Variants in COX7B2 observed in about 807,000 individuals in gnomAD.
The protein encoded by COX7B2 is cytochrome c oxidase subunit 7B2.
For missense variants in COX7B2, 109 were observed against 95.9 expected (o/e 1.14, Z -0.57); for synonymous variants, 37 against 32.1 (o/e 1.15, Z -0.51).
chr4:46,907,881 GTCTC>G (rs998556758), intron 1 of COX7B2, among the ~76,000 whole-genome samples: 1 of 75,706 alleles, frequency 1.3e-5, no homozygotes, highest in Non-Finnish European at 2.9e-5. Context: ...TTGAGACGGA[GTCTC>G]TCTCTGTTTC....
chr4:46,900,336 G>A (rs1484255346), intron 1 of COX7B2, among the ~76,000 whole-genome samples: 1 of 152,094 alleles, frequency 6.6e-6, no homozygotes, highest in East Asian at 1.9e-4. Context: ...ATGTTTCCAA[G>A]GATACCCTTG....
At chr4:46,747,638 T>A (rs1383547741) in intron 2 of COX7B2, among the ~76,000 whole-genome samples, 1 of 152,118 alleles carries the variant, frequency 6.6e-6, no homozygotes, top group Non-Finnish European at 1.5e-5. Flanking sequence ...TCTTCACCTA[T>A]CAAGGATAAA....
At chr4:46,794,086 A>G (rs73139396) in intron 2 of COX7B2, among the ~76,000 whole-genome samples, 5,186 of 152,306 alleles carry the variant, frequency 0.034, 224 homozygotes, top group African/African-American at 0.1. Flanking sequence ...AGTATCAGCA[A>G]GCCTCCAAAG....
chr4:46,899,588 T>C (rs1343272356), intron 1 of COX7B2, among the ~76,000 whole-genome samples: 1 of 152,154 alleles, frequency 6.6e-6, no homozygotes, highest in African/African-American at 2.4e-5. Context: ...AGAGAGAGAT[T>C]GTAAGTCATG....
chr4:46,861,418 T>C (rs1717328360), intron 1 of COX7B2, among the ~76,000 whole-genome samples: 1 of 152,188 alleles, frequency 6.6e-6, no homozygotes, highest in Admixed American at 6.5e-5. Context: ...GATAAACCTC[T>C]GTGTCTGGTA....
chr4:46,756,111 G>T lies in COX7B2; in HGVS notation c.-49-20870C>A, dbSNP rs557912701. ...ACACCATGGTACTGGTATAAAAATA[G>T]ACACATCAGTCAATGGAACAGAGAA... On this transcript the variant is annotated intron_variant, in intron 2 of 2. Coordinates refer to ENST00000355591, the MANE Select transcript of COX7B2 (RefSeq NM_130902.3). Among the ~76,000 whole-genome samples the T allele has an allele frequency of 3.9e-5, 6 of 151,950 alleles. No homozygotes were observed. In the East Asian group the frequency reaches 1.2e-3, roughly 29 times the overall value.
At chr4:46,785,712 A>T (rs1477523340) in intron 2 of COX7B2, among the ~76,000 whole-genome samples, 1 of 152,200 alleles carries the variant, frequency 6.6e-6, no homozygotes, top group East Asian at 1.9e-4. Flanking sequence ...AAGGACAAGG[A>T]TAAAAGAAAG....
At chr4:46,827,883 A>C (rs936260136) in intron 2 of COX7B2, among the ~76,000 whole-genome samples, 2 of 152,188 alleles carry the variant, frequency 1.3e-5, no homozygotes, top group African/African-American at 4.8e-5. Flanking sequence ...AAGAAGAAAA[A>C]GTAATATTTA....
rs1257786467 is a variant in COX7B2 at position 46,788,355 on chromosome 4, T to A, written c.-49-53114A>T. ...ATAAAAAATCATACATAACTAAGAT[T>A]ATCCAAGGAAAAGTTTTAGTGAGTT... is the stretch of plus-strand genomic sequence containing the variant. On this transcript the variant is annotated intron_variant, in intron 2 of 2. Coordinates refer to ENST00000355591, the MANE Select transcript of COX7B2 (RefSeq NM_130902.3). Among the ~76,000 whole-genome samples, 6 of 152,288 alleles carry A rather than the reference T, an allele frequency of 3.9e-5. No individual in the cohort carries two copies. The East Asian group carries it at 1.2e-3, about 29-fold the overall frequency.
At chr4:46,879,379 G>A (rs1242236309) in intron 1 of COX7B2, among the ~76,000 whole-genome samples, 2 of 151,826 alleles carry the variant, frequency 1.3e-5, no homozygotes, top group Non-Finnish European at 2.9e-5. Context: ...GTGCAGCAGT[G>A]TGATCACGGC....
intron 2 of COX7B2, among the ~76,000 whole-genome samples, chr4:46,764,679 C>CAAAAAAA (rs11357133): frequency 7.7e-6 from 1 of 129,070 alleles, no homozygotes. Context: ...GACTCCGCCT[C>CAAAAAAA]AAAAAAAAAA....
At chr4:46,808,371 A>G (rs561211187) in intron 2 of COX7B2, among the ~76,000 whole-genome samples, 7 of 151,852 alleles carry the variant, frequency 4.6e-5, no homozygotes, top group African/African-American at 1.4e-4. Flanking sequence ...TTGTATGTCA[A>G]TATTGTATCC....
chr4:46,859,504 C>CT (rs1717213632), intron 1 of COX7B2, among the ~76,000 whole-genome samples: 1 of 152,134 alleles, frequency 6.6e-6, no homozygotes, highest in Admixed American at 6.6e-5. Flanking sequence ...AACTGAAGGA[C>CT]TTTTAATTAT....
chr4:46,838,748 T>C (rs1715709690), intron 2 of COX7B2, among the ~76,000 whole-genome samples: 1 of 152,110 alleles, frequency 6.6e-6, no homozygotes, highest in South Asian at 2.1e-4. Context: ...GGGAAAACTC[T>C]GTGTGTCACA....
At chr4:46,845,264 T>C (rs1224791331) in intron 1 of COX7B2, among the ~76,000 whole-genome samples, 1 of 151,948 alleles carries the variant, frequency 6.6e-6, no homozygotes, top group African/African-American at 2.4e-5. Flanking sequence ...TCTTTAAACT[T>C]TTCTCAACCC....
At chr4:46,845,105 C>T (rs1205184105) in intron 1 of COX7B2, 91 bp from the exon 2 acceptor site, 2 of 151,976 alleles carry the variant, frequency 1.3e-5, no homozygotes, top group Non-Finnish European at 2.9e-5. Flanking sequence ...CAGAGAAAAT[C>T]ACCATATACT....
chr4:46,777,407 G>A (rs1365814181), intron 2 of COX7B2, among the ~76,000 whole-genome samples: 1 of 152,048 alleles, frequency 6.6e-6, no homozygotes, highest in Non-Finnish European at 1.5e-5. Flanking sequence ...GGAGATGAAG[G>A]CGGTGGTGGT....
chr4:46,827,673 A>C (rs1051094052), intron 2 of COX7B2, among the ~76,000 whole-genome samples: 2 of 152,174 alleles, frequency 1.3e-5, no homozygotes, highest in Non-Finnish European at 2.9e-5. Context: ...GACTGAAAAA[A>C]AGTGATTCCA....
chr4:46,741,691 A>G (rs1714720417), intron 2 of COX7B2, among the ~76,000 whole-genome samples: 1 of 152,108 alleles, frequency 6.6e-6, no homozygotes, highest in South Asian at 2.1e-4. Flanking sequence ...GAATCACTTA[A>G]TCTACCTGGA....
Sources: allele counts gnomAD v4.1 joint callset (sites outside exome capture counted in the v4.1 genomes callset), GRCh38; gene constraint gnomAD v4.1.1; transcripts MANE v1.5; gene names NCBI Gene and HGNC (gene_info 2026-07-23, HGNC 2026-07-21).